ETFA: variants seen among roughly 807,000 people sequenced by gnomAD.
ETFA encodes the protein electron transfer flavoprotein subunit alpha, mitochondrial.
In ETFA, 22 loss-of-function variants were observed where a neutral mutation model predicts 46.2. The ratio of observed to expected loss-of-function variants is 0.48; its 90% CI spans 0.34 to 0.68. The LOEUF (loss-of-function observed/expected upper bound fraction) is 0.68. ETFA is among the 30% of genes least tolerant of loss of function. ETFA has a pLI of 0.01. For synonymous variants in ETFA, 131 were observed against 139.9 expected (o/e 0.94, Z 0.45); for missense variants, 345 against 401.1 (o/e 0.86, Z 1.19).
At chr15:76,282,797 T>C (rs1447376253) in intron 8 of ETFA, among the ~76,000 whole-genome samples, 2 of 152,184 alleles carry the variant, frequency 1.3e-5, no homozygotes, top group African/African-American at 4.8e-5. Context: ...AGTGATTGTG[T>C]AATTCAAAAA....
chr15:76,259,551 A>G (rs917322545), intron 9 of ETFA: 14 of 1,036,792 alleles, frequency 1.4e-5, no homozygotes, highest in Non-Finnish European at 2.1e-5. Flanking sequence ...GATCTCCCAC[A>G]TGGTCACCCC....
At chr15:76,257,194 A>G (rs72736875) in intron 9 of ETFA, among the ~76,000 whole-genome samples, 3,374 of 152,278 alleles carry the variant, frequency 0.022, 71 homozygotes, top group South Asian at 0.042. Context: ...GCTGGGGCCC[A>G]GGTTCCAGGG....
At chr15:76,309,399 T>G (rs899557449) in intron 1 of ETFA, among the ~76,000 whole-genome samples, 1 of 152,078 alleles carries the variant, frequency 6.6e-6, no homozygotes, top group Non-Finnish European at 1.5e-5. Flanking sequence ...TGCAGTGAGC[T>G]GAGATCGCGC....
At chr15:76,293,446 A>G (rs541086626) in intron 2 of ETFA, among the ~76,000 whole-genome samples, 12 of 152,330 alleles carry the variant, frequency 7.9e-5, no homozygotes, top group African/African-American at 2.6e-4. Context: ...CCACATACAC[A>G]TATTTATCTA....
At chr15:76,253,169 G>A (rs2141484576) in intron 9 of ETFA, among the ~76,000 whole-genome samples, 1 of 152,178 alleles carries the variant, frequency 6.6e-6, no homozygotes, top group East Asian at 1.9e-4. Context: ...ACAATAGTAA[G>A]CTATGAACTG....
intron 7 of ETFA, 33 bp from the exon 8 acceptor site, chr15:76,283,858 C>CAAACATCAA: frequency 6.8e-7 from 1 of 1,465,302 alleles, no homozygotes; most frequent in Middle Eastern, 1.7e-4. Context: ...AAAAATTAGG[C>CAAACATCAA]AAACATCAAA....
At chr15:76,233,576 C>T (rs1440823905) in intron 9 of ETFA, among the ~76,000 whole-genome samples, 1 of 152,150 alleles carries the variant, frequency 6.6e-6, no homozygotes, top group Non-Finnish European at 1.5e-5. Context: ...GATCCACCCA[C>T]CTCGGCCTCC....
intron 10 of ETFA, among the ~76,000 whole-genome samples, chr15:76,227,388 G>A (rs774083670): frequency 4.0e-5 from 6 of 151,662 alleles, no homozygotes; most frequent in African/African-American, 7.3e-5. Context: ...GTGGTGGTGC[G>A]CACCTGTACT....
intron 1 of ETFA, among the ~76,000 whole-genome samples, chr15:76,297,723 A>G (rs1339629688): frequency 6.6e-6 from 1 of 152,206 alleles, no homozygotes; most frequent in Non-Finnish European, 1.5e-5. Context: ...ATAAACAACA[A>G]AAGAACATAT....
intron 6 of ETFA, 91 bp downstream of exon 6, chr15:76,286,280 A>G: frequency 1.5e-6 from 1 of 676,770 alleles, no homozygotes; most frequent in Non-Finnish European, 2.6e-6. Flanking sequence ...TATTCATTAG[A>G]AATGTAGGCA....
chr15:76,266,046 T>C (rs2039467086), intron 9 of ETFA, among the ~76,000 whole-genome samples: 1 of 152,228 alleles, frequency 6.6e-6, no homozygotes, highest in African/African-American at 2.4e-5. Flanking sequence ...ATACAGAGCC[T>C]ACTTTCTCCC....
chr15:76,297,965 G>T (rs1417424314), intron 1 of ETFA, among the ~76,000 whole-genome samples: 8 of 152,092 alleles, frequency 5.3e-5, no homozygotes, highest in Non-Finnish European at 1.0e-4. Context: ...TAGAGCAGAA[G>T]AAATTGGCCT....
intron 8 of ETFA, among the ~76,000 whole-genome samples, chr15:76,282,240 T>C (rs1399761526): frequency 6.6e-6 from 1 of 152,130 alleles, no homozygotes; most frequent in Non-Finnish European, 1.5e-5. Flanking sequence ...GGAGACTGAA[T>C]GCAGTCCCAC....
intron 9 of ETFA, among the ~76,000 whole-genome samples, chr15:76,266,818 G>A (rs1048724352): frequency 2.0e-5 from 3 of 152,036 alleles, no homozygotes; most frequent in Non-Finnish European, 2.9e-5. Context: ...GCAACAGAAT[G>A]GCGTGAACCT....
chr15:76,259,780 G>C, intron 9 of ETFA: 1 of 1,603,082 alleles, frequency 6.2e-7, no homozygotes, highest in Non-Finnish European at 8.5e-7. Context: ...GAGAGCTCAG[G>C]TACTCCATGC....
chr15:76,301,405 A>AT (rs1208295902), intron 1 of ETFA, among the ~76,000 whole-genome samples: 3 of 152,174 alleles, frequency 2.0e-5, no homozygotes, highest in Admixed American at 6.5e-5. Flanking sequence ...GGAAGTGAAC[A>AT]TTTTTTTTAA....
At chr15:76,220,327 C>G (rs533095767) in intron 11 of ETFA, among the ~76,000 whole-genome samples, 3 of 152,328 alleles carry the variant, frequency 2.0e-5, no homozygotes, top group Admixed American at 2.0e-4. Flanking sequence ...CTTGGCCTCC[C>G]AGTGCTGGGA....
At chr15:76,276,776 C>G (rs1394577104) in intron 8 of ETFA, among the ~76,000 whole-genome samples, 2 of 152,142 alleles carry the variant, frequency 1.3e-5, no homozygotes, top group African/African-American at 4.8e-5. Context: ...ATTTCTGCTA[C>G]AATGTTTTTT....
intron 1 of ETFA, among the ~76,000 whole-genome samples, chr15:76,304,028 A>C (rs777055096): frequency 5.3e-5 from 8 of 152,248 alleles, no homozygotes; most frequent in Non-Finnish European, 1.0e-4. Flanking sequence ...AAAGACATGG[A>C]ATCAACCTAG....
Sources: gnomAD v4.1 joint callset for allele counts (sites outside exome capture counted in the v4.1 genomes callset) on GRCh38, gnomAD v4.1.1 for gene constraint, MANE v1.5 for transcripts, NCBI Gene and HGNC (gene_info 2026-07-23, HGNC 2026-07-21) for gene names.